PSMD5: variants seen among roughly 807,000 people sequenced by gnomAD.
PSMD5 encodes the protein 26S proteasome non-ATPase regulatory subunit 5.
PSMD5 carries 40 observed loss-of-function variants against 52.1 expected under a neutral mutation model. The observed-to-expected ratio is 0.77, with a 90% confidence interval of 0.60 to 1.00. PSMD5 has a LOEUF of 1.00. Ranked by LOEUF, PSMD5 falls within the 50% of genes least tolerant of loss-of-function variation. PSMD5 has a pLI of 0.00. For missense variants in PSMD5, 575 were observed against 605.2 expected (o/e 0.95, Z 0.52); for synonymous variants, 211 against 226.6 (o/e 0.93, Z 0.62).
rs1174445646 is a variant in PSMD5 at position 120,842,866 on chromosome 9, A to G, written c.44T>C (p.Leu15Pro). Residue 15 changes from leucine (L) to proline (P), a missense_variant, in exon 1 of 10, where the codon CTG becomes CCG. By Grantham distance (98) the Leu-to-Pro change is moderately conservative (BLOSUM62 -3). Transcript: ENST00000210313. ...ALALLREVAR[L>P]EAPLEELRAL... The stretch of plus-strand genomic sequence containing the variant: ...GCGTAGCTCCTCCAGCGGCGCTTCC[A>G]GCCTCGCTACCTCTCTCAGCAGCGC... 2 of 1,603,330 alleles carry G rather than the reference A, an allele frequency of 1.2e-6. No homozygotes were observed. The highest frequency in any genetic ancestry group is 4.5e-5 in the East Asian group (2 of 44,724).
At chr9:120,829,257 C>A (rs771735876) in intron 4 of PSMD5, 49 bp from the exon 5 acceptor site, 6 of 1,492,070 alleles carry the variant, frequency 4.0e-6, no homozygotes, top group Admixed American at 4.4e-5. Context: ...CAAATCAGCC[C>A]TACGCCTGAT....
chr9:120,823,472 A>G (rs887599155), intron 7 of PSMD5, among the ~76,000 whole-genome samples: 2 of 146,174 alleles, frequency 1.4e-5, no homozygotes, highest in African/African-American at 5.1e-5. Context: ...GCCTCCCAAA[A>G]TGCTGGGATT....
intron 4 of PSMD5, 116 bp downstream of exon 4, chr9:120,831,215 A>G: frequency 9.0e-7 from 1 of 1,115,450 alleles, no homozygotes; most frequent in East Asian, 2.7e-5. Flanking sequence ...TTATATTCCC[A>G]GCACCTACTG....
rs763184725 is a variant in PSMD5 at position 120,817,903 on chromosome 9, A to G, written c.*3T>C. The G allele has an allele frequency of 6.2e-7, 1 of 1,610,438 alleles. No individual in the cohort carries two copies. Among genetic ancestry groups the G allele is most frequent in the Admixed American group, 1.7e-5 (1 of 59,842 alleles). On this transcript the variant is annotated 3_prime_UTR_variant, in exon 10 of 10. Transcript: ENST00000210313. ...TGGTCCTCTACATGAGCTCTAGAAG[A>G]AATCATTCGGCTCCTTCTACTGCTG...
In PSMD5 at chr9:120,826,769, C is replaced by G; in HGVS notation, c.810G>C (p.Leu270=). The change falls in exon 6 of 10, where the codon CTG becomes CTC. Residue 270 remains leucine, a synonymous_variant. Transcript: ENST00000210313. ...ADSDPFSSFY[L]PGFVKFFGNL... is the part of the protein sequence containing the mutation. ...ATAGGCATCAGTGTTCCTTACCTGG[C>G]AGATAGAAGCTAGAGAAAGGGTCTG... 2.5e-6 allele frequency: 4 copies of G among 1,613,330 alleles called. No individual in the cohort carries two copies. Among genetic ancestry groups the G allele is most frequent in the Non-Finnish European group, 3.4e-6 (4 of 1,179,558 alleles).
chr9:120,821,281 T>C, intron 8 of PSMD5, 74 bp downstream of exon 8: 1 of 1,011,026 alleles, frequency 9.9e-7, no homozygotes, highest in Admixed American at 2.4e-5. Context: ...TCATCACATT[T>C]ATCATGTTGA....
chr9:120,836,475 C>T (rs2045199101), intron 1 of PSMD5, among the ~76,000 whole-genome samples: 1 of 151,144 alleles, frequency 6.6e-6, no homozygotes, highest in Non-Finnish European at 1.5e-5. Flanking sequence ...TGGCTCACTG[C>T]AACCTCCACC....
Position 120,842,854 on chromosome 9 carries a change from A to T in PSMD5, c.56T>A (p.Leu19Gln). The change falls in exon 1 of 10, where the codon CTG (leucine) becomes CAG (glutamine). Residue 19 changes from leucine to glutamine, a missense_variant. Leu to Gln is a moderately radical substitution (Grantham distance 113). Coordinates refer to ENST00000210313, the MANE Select transcript of PSMD5 (RefSeq NM_005047.4). Reference sequence around the variant, plus strand: ...GGAGTGAAGCGCGCGTAGCTCCTCCAGCGGCGCTTCCAGCCTCGCTACCTC... The same window carrying T: ...GGAGTGAAGCGCGCGTAGCTCCTCCTGCGGCGCTTCCAGCCTCGCTACCTC... ...LREVARLEAP[L>Q]EELRALHSVL... 6.2e-7 allele frequency: 1 copy of T among 1,606,530 alleles called. No homozygotes were observed. Among genetic ancestry groups the T allele is most frequent in the Non-Finnish European group, 8.5e-7 (1 of 1,178,696 alleles).
intron 1 of PSMD5, among the ~76,000 whole-genome samples, chr9:120,841,150 G>A (rs2045232139): frequency 1.3e-5 from 2 of 152,196 alleles, no homozygotes; most frequent in Admixed American, 1.3e-4. Context: ...ATAGTTTCTG[G>A]TGTACCTTTG....
At chr9:120,831,581 T>C in intron 3 of PSMD5, 122 bp from the exon 4 acceptor site, 2 of 1,282,496 alleles carry the variant, frequency 1.6e-6, no homozygotes, top group Non-Finnish European at 1.1e-6. Context: ...TTATTTATAA[T>C]TGGAAAAGAC....
intron 5 of PSMD5, among the ~76,000 whole-genome samples, 178 bp from the exon 6 acceptor site, chr9:120,827,085 T>C (rs1315807661): frequency 6.6e-6 from 1 of 152,248 alleles, no homozygotes; most frequent in Non-Finnish European, 1.5e-5. Flanking sequence ...GACTTCTCTG[T>C]AATCATATTG....
intron 1 of PSMD5, among the ~76,000 whole-genome samples, chr9:120,834,994 ATT>A (rs2045188702): frequency 6.6e-6 from 1 of 152,230 alleles, no homozygotes; most frequent in African/African-American, 2.4e-5. Context: ...GGGCTAATAT[ATT>A]GTTAGTAGTA....
chr9:120,836,789 T>C (rs546528595), intron 1 of PSMD5, among the ~76,000 whole-genome samples: 1 of 152,316 alleles, frequency 6.6e-6, no homozygotes, highest in South Asian at 2.1e-4. Context: ...TTACATATTC[T>C]GAAAAGAAGT....
At chr9:120,830,415 T>C (rs891796438) in intron 4 of PSMD5, among the ~76,000 whole-genome samples, 4 of 152,280 alleles carry the variant, frequency 2.6e-5, no homozygotes, top group Admixed American at 6.5e-5. Context: ...TCATCACTGA[T>C]GGGAAGTGAA....
intron 5 of PSMD5, 101 bp downstream of exon 5, chr9:120,828,998 A>T: frequency 7.4e-7 from 1 of 1,342,610 alleles, no homozygotes; most frequent in Non-Finnish European, 9.7e-7. Flanking sequence ...TGAGATTGCA[A>T]CCTGGGCAAA....
chr9:120,835,820 A>G (rs1308144721), intron 1 of PSMD5, among the ~76,000 whole-genome samples: 1 of 149,584 alleles, frequency 6.7e-6, no homozygotes, highest in Non-Finnish European at 1.5e-5. Context: ...ACTTACAAGT[A>G]TGGTTTTCTT....
At chr9:120,827,774 A>T (rs1203976040) in intron 5 of PSMD5, among the ~76,000 whole-genome samples, 2 of 152,266 alleles carry the variant, frequency 1.3e-5, no homozygotes, top group Non-Finnish European at 2.9e-5. Context: ...ATACACAAAG[A>T]TAACTATAAT....
In PSMD5 at chr9:120,842,811, C is replaced by A. The variant is rs755253804; in HGVS notation, c.99G>T (p.Pro33=). The A allele has an allele frequency of 6.2e-7, 1 of 1,612,118 alleles. No individual in the cohort carries two copies. The highest frequency in any genetic ancestry group is 2.2e-5 in the East Asian group (1 of 44,872). ...RALHSVLQAV[P]LNELRQQAAE... ...CCGCTTGCTGGCGAAGCTCGTTGAGCGGCACTGCCTGCAGCACGGAGTGAA... is the reference window on the plus strand; with the variant it reads ...CCGCTTGCTGGCGAAGCTCGTTGAGAGGCACTGCCTGCAGCACGGAGTGAA... The change falls in exon 1 of 10, where the codon CCG becomes CCT. Residue 33 remains proline, a synonymous_variant. Coordinates refer to ENST00000210313, the MANE Select transcript of PSMD5 (RefSeq NM_005047.4).
chr9:120,824,881 G>A (rs528698774), intron 6 of PSMD5, 196 bp from the exon 7 acceptor site: 23 of 473,710 alleles, frequency 4.9e-5, no homozygotes, highest in East Asian at 2.6e-4. Flanking sequence ...GAGAGAGGGC[G>A]TCAATGGAGC....
Sources: allele counts gnomAD v4.1 joint callset (sites outside exome capture counted in the v4.1 genomes callset), GRCh38; gene constraint gnomAD v4.1.1; transcripts MANE v1.5; gene names NCBI Gene and HGNC (gene_info 2026-07-23, HGNC 2026-07-21).